Variants in HOXB7 observed in about 807,000 individuals in gnomAD.
HOXB7 encodes homeobox B7.
A neutral mutation model predicts 19.2 loss-of-function variants in HOXB7; 11 were observed. The ratio of observed to expected loss-of-function variants is 0.57; its 90% CI spans 0.36 to 0.95. HOXB7 has a LOEUF of 0.95. Ranked by LOEUF, HOXB7 falls within the 40% of genes least tolerant of loss-of-function variation. HOXB7 has a pLI of 0.01. For missense variants in HOXB7, 318 were observed against 301.1 expected (o/e 1.06, Z -0.42); for synonymous variants, 141 against 130.2 (o/e 1.08, Z -0.56).
At position 48,607,597 on chromosome 17, in the gene HOXB7, C is replaced by A; in HGVS notation, c.*245G>T. Reference sequence around the variant, plus strand: ...TTTCATATTGTACAAAAAAACCAAACCTGACAGACTTTCCTATAGGTAGTA... The same window carrying A: ...TTTCATATTGTACAAAAAAACCAAAACTGACAGACTTTCCTATAGGTAGTA... On this transcript the variant is annotated 3_prime_UTR_variant, in exon 2 of 2. Transcript: ENST00000239165. The A allele has an allele frequency of 2.1e-6, 1 of 468,508 alleles. No homozygotes were observed. 29.0% of individuals were successfully genotyped at this position (468,508 alleles called of 1,614,324 possible).
Position 48,607,788 on chromosome 17 carries a change from G to T in HOXB7, c.*54C>A, listed in dbSNP as rs1273217153. 1.4e-6 allele frequency: 2 copies of T among 1,389,832 alleles called. No individual in the cohort carries two copies. The highest frequency in any genetic ancestry group is 1.4e-5 in the African/African-American group (1 of 69,738). 86.1% of individuals were successfully genotyped at this position (1,389,832 alleles called of 1,614,324 possible). A position where few individuals can be genotyped will look rare whatever the true frequency, so the allele number is the denominator to read the frequency against. Reference sequence around the variant, plus strand: ...TTTCCTGATTCAGTTCCCAGAGCTGGGCTTCTCTTCCTCTCCCTTTCTCAT... The same window carrying T: ...TTTCCTGATTCAGTTCCCAGAGCTGTGCTTCTCTTCCTCTCCCTTTCTCAT... On this transcript the variant is annotated 3_prime_UTR_variant, in exon 2 of 2. Coordinates refer to ENST00000239165, the MANE Select transcript of HOXB7 (RefSeq NM_004502.4).
intron 1 of HOXB7, among the ~76,000 whole-genome samples, chr17:48,608,583 C>T (rs569396038): frequency 6.6e-6 from 1 of 152,336 alleles, no homozygotes; most frequent in East Asian, 1.9e-4. Context: ...ACTCCAGCTG[C>T]AAACTCCCCT....
At chr17:48,610,429 C>T in intron 1 of HOXB7, 90 bp downstream of exon 1, 1 of 1,303,642 alleles carries the variant, frequency 7.7e-7, no homozygotes. Context: ...ACTCTGGACG[C>T]GGAAAGGGGC....
rs1054753252 is a variant in HOXB7 at position 48,610,993 on chromosome 17, T to TA, written c.-76dup. On this transcript the variant is annotated 5_prime_UTR_variant, in exon 1 of 2. Transcript: ENST00000239165. ...GAGATTCCTTGATATATTACAGAAT[T>TA]AGAGTCCAGATTTACACCAAAAAGG... is the stretch of plus-strand genomic sequence containing the variant. The TA allele has an allele frequency of 5.5e-6, 7 of 1,283,118 alleles. No homozygotes were observed. The highest frequency in any genetic ancestry group is 4.6e-5 in the African/African-American group (3 of 65,080). 79.5% of individuals were successfully genotyped at this position (1,283,118 alleles called of 1,614,324 possible).
Position 48,610,520 on chromosome 17 carries a change from T to A in HOXB7, c.399A>T (p.Ser133=). ...GGACAGCTCGGTGCGCGGCGTTACC[T>A]GAGCTTCGCATCCAGGGGTAGATCC... ...NFRIYPWMRS[S]GTDRKRGRQT... The change falls in exon 1 of 2, where the codon TCA becomes TCT. Residue 133 remains serine (S), a splice_region_variant and synonymous_variant. Coordinates refer to ENST00000239165, the MANE Select transcript of HOXB7 (RefSeq NM_004502.4). The A allele has an allele frequency of 6.7e-7, 1 of 1,490,040 alleles. No homozygotes were observed. The allele number at this position is 1,490,040 out of a possible 1,614,324, so 92.3% of individuals were successfully genotyped here. A position where few individuals can be genotyped will look rare whatever the true frequency, so the allele number is the denominator to read the frequency against.
Position 48,607,904 on chromosome 17 carries a change from T to C in HOXB7, c.592A>G (p.Thr198Ala), listed in dbSNP as rs970592072. The change falls in exon 2 of 2, where the codon ACC becomes GCC. Residue 198 changes from threonine (T) to alanine (A), a missense_variant. Physicochemically the swap from Thr to Ala is moderately conservative, Grantham distance 58 (BLOSUM62 0). Coordinates refer to ENST00000239165, the MANE Select transcript of HOXB7 (RefSeq NM_004502.4). The part of the protein sequence containing the change: ...RRMKWKKENK[T>A]AGPGTTGQDR... ...TGGCCGGTGGTCCCCGGGCCCGCGGTCTTGTTCTCCTTTTTCCACTTCATG... is the reference window on the plus strand; with the variant it reads ...TGGCCGGTGGTCCCCGGGCCCGCGGCCTTGTTCTCCTTTTTCCACTTCATG... 1 of 1,613,792 alleles carries C rather than the reference T, an allele frequency of 6.2e-7. No individual in the cohort carries two copies. The highest frequency in any genetic ancestry group is 8.5e-7 in the Non-Finnish European group (1 of 1,179,958).
chr17:48,610,652 G>A lies in HOXB7; in HGVS notation c.267C>T (p.Cys89=). ...CGGAGAGGTTCTGCTCAAAGGGCGC[G>A]CAGTGCATGTTGAAGGAACTCGGCT... ...GLEPSSFNMH[C]APFEQNLSGV... Residue 89 remains cysteine (C), a synonymous_variant, in exon 1 of 2, where the codon TGC becomes TGT. Coordinates refer to ENST00000239165, the MANE Select transcript of HOXB7 (RefSeq NM_004502.4). The A allele has an allele frequency of 6.3e-7, 1 of 1,576,752 alleles. No homozygotes were observed. Among genetic ancestry groups the A allele is most frequent in the Non-Finnish European group, 8.6e-7 (1 of 1,161,190 alleles).
At position 48,610,544 on chromosome 17, in the gene HOXB7, C is replaced by CT; in HGVS notation, c.374_375insA (p.Ile126AspfsTer11). 1 of 1,523,444 alleles carries CT rather than the reference C, an allele frequency of 6.6e-7. No individual in the cohort carries two copies. The highest frequency in any genetic ancestry group is 8.8e-7 in the Non-Finnish European group (1 of 1,130,312). 94.4% of individuals were successfully genotyped at this position (1,523,444 alleles called of 1,614,324 possible). On this transcript the variant is annotated frameshift_variant, in exon 1 of 2. Coordinates refer to ENST00000239165, the MANE Select transcript of HOXB7 (RefSeq NM_004502.4). LOFTEE classifies it high-confidence loss of function. ...CTGAGCTTCGCATCCAGGGGTAGAT[C>CT]CGGAAGTTACTCTCGGCCGCCAAGT...
chr17:48,610,861 C>T lies in HOXB7; in HGVS notation c.58G>A (p.Val20Ile), dbSNP rs2070639520. The change falls in exon 1 of 2, where the codon GTT becomes ATT. Residue 20 changes from valine (V) to isoleucine (I), a missense_variant. Physicochemically the swap from Val to Ile is conservative, Grantham distance 29. Transcript: ENST00000239165. The stretch of plus-strand genomic sequence containing the variant: ...TCTGGGAAGGCTCCGGTAGCGAAAA[C>T]CGAACTTGAGGCTGGATATTTAGAA... ...LFSKYPASSS[V>I]FATGAFPEQT... is the part of the protein sequence containing the mutation. 6.5e-7 allele frequency: 1 copy of T among 1,540,282 alleles called. No homozygotes were observed. The highest frequency in any genetic ancestry group is 2.2e-5 in the Admixed American group (1 of 46,482).
intron 1 of HOXB7, 120 bp downstream of exon 1, chr17:48,610,399 G>A (rs1387884272): frequency 3.4e-5 from 36 of 1,056,770 alleles, no homozygotes; most frequent in Non-Finnish European, 4.5e-5. Context: ...GCCTTCCAGG[G>A]CCGACCTCCG....
In HOXB7 at chr17:48,607,723, G is replaced by GT. The variant is rs968710956; in HGVS notation, c.*118dup. On this transcript the variant is annotated 3_prime_UTR_variant, in exon 2 of 2. Transcript: ENST00000239165. ...ATAGGGTTTTTTTTTTGTTTTTTTTGTTTTTTGTTTTGTTTTTTTACTTCC... is the reference window on the plus strand; with the variant it reads ...ATAGGGTTTTTTTTTTGTTTTTTTTGTTTTTTTGTTTTGTTTTTTTACTTCC... 3.1e-5 allele frequency: 21 copies of GT among 681,686 alleles called. No homozygotes were observed. Among genetic ancestry groups the GT allele is most frequent in the Admixed American group, 2.7e-4 (7 of 25,896 alleles). The allele number at this position is 681,686 out of a possible 1,614,324, so 42.2% of individuals were successfully genotyped here.
intron 1 of HOXB7, among the ~76,000 whole-genome samples, chr17:48,610,122 G>C (rs966564188): frequency 6.6e-6 from 1 of 152,180 alleles, no homozygotes; most frequent in Non-Finnish European, 1.5e-5. Flanking sequence ...TAGCTGGGAA[G>C]GGGGGAGAAG....
chr17:48,608,941 T>C (rs2070616856), intron 1 of HOXB7, among the ~76,000 whole-genome samples: 1 of 152,178 alleles, frequency 6.6e-6, no homozygotes, highest in Non-Finnish European at 1.5e-5. Context: ...CCCCAACTCA[T>C]CCCCAGCATG....
intron 1 of HOXB7, among the ~76,000 whole-genome samples, chr17:48,610,149 C>G (rs908854683): frequency 3.3e-5 from 5 of 152,316 alleles, no homozygotes; most frequent in South Asian, 2.1e-4. Context: ...ACCCTAATGG[C>G]TATTCTCTGC....
Position 48,607,769 on chromosome 17 carries a change from G to T in HOXB7, c.*73C>A. ...CTTCCCTATTCGATTTGAGTTTCCT[G>T]ATTCAGTTCCCAGAGCTGGGCTTCT... is the stretch of plus-strand genomic sequence containing the variant. On this transcript the variant is annotated 3_prime_UTR_variant, in exon 2 of 2. Transcript: ENST00000239165. The T allele has an allele frequency of 1.8e-6, 2 of 1,141,950 alleles. No homozygotes were observed. Among genetic ancestry groups the T allele is most frequent in the Non-Finnish European group, 1.2e-6 (1 of 815,272 alleles). 70.7% of individuals were successfully genotyped at this position (1,141,950 alleles called of 1,614,324 possible). A position where few individuals can be genotyped will look rare whatever the true frequency, so the allele number is the denominator to read the frequency against.
intron 1 of HOXB7, among the ~76,000 whole-genome samples, 153 bp downstream of exon 1, chr17:48,610,366 T>A (rs1338472420): frequency 5.9e-5 from 9 of 152,176 alleles, no homozygotes; most frequent in African/African-American, 1.4e-4. Context: ...GATGGCCTGC[T>A]GGGTCGCGGC....
In HOXB7 at chr17:48,607,610, C is replaced by T. The variant is rs887420277; in HGVS notation, c.*232G>A. 9 of 501,682 alleles carry T rather than the reference C, an allele frequency of 1.8e-5. No individual in the cohort carries two copies. Among genetic ancestry groups the T allele is most frequent in the Admixed American group, 3.8e-5 (1 of 26,466 alleles). The allele number at this position is 501,682 out of a possible 1,614,324, so 31.1% of individuals were successfully genotyped here. ...AAAAAAACCAAACCTGACAGACTTT[C>T]CTATAGGTAGTATTTTTTCAGTGTT... is the stretch of plus-strand genomic sequence containing the variant. On this transcript the variant is annotated 3_prime_UTR_variant, in exon 2 of 2. Coordinates refer to ENST00000239165, the MANE Select transcript of HOXB7 (RefSeq NM_004502.4).
Position 48,608,864 on chromosome 17 carries a change from G to C in HOXB7, c.401-769C>G, listed in dbSNP as rs567632001. ...CATGCAAGTGACCCTGGAGTGGGGCGCCAGGCCTAGCTTAAGAACGTTTCC... is the reference window on the plus strand; with the variant it reads ...CATGCAAGTGACCCTGGAGTGGGGCCCCAGGCCTAGCTTAAGAACGTTTCC... On this transcript the variant is annotated intron_variant, in intron 1 of 1. Coordinates refer to ENST00000239165, the MANE Select transcript of HOXB7 (RefSeq NM_004502.4). Among the ~76,000 whole-genome samples, 6 of 152,320 alleles carry C rather than the reference G, an allele frequency of 3.9e-5. No individual in the cohort carries two copies. The East Asian group carries it at 1.2e-3, about 29-fold the overall frequency.
chr17:48,610,705 C>T lies in HOXB7; in HGVS notation c.214G>A (p.Gly72Ser). 1 of 1,580,696 alleles carries T rather than the reference C, an allele frequency of 6.3e-7. No homozygotes were observed. ...GGGMAGQSAA[G>S]VYAAGYGLEP... ...AGCCCATAGCCGGCCGCGTAGACGC[C>T]GGCCGCGCTCTGGCCCGCCATGCCC... Residue 72 changes from glycine (G) to serine (S), a missense_variant, in exon 1 of 2, where the codon GGC becomes AGC. By Grantham distance (56) the Gly-to-Ser change is moderately conservative (BLOSUM62 0). Coordinates refer to ENST00000239165, the MANE Select transcript of HOXB7 (RefSeq NM_004502.4).
Sources: gnomAD v4.1 joint callset for allele counts (sites outside exome capture counted in the v4.1 genomes callset) on GRCh38, gnomAD v4.1.1 for gene constraint, MANE v1.5 for transcripts, NCBI Gene and HGNC (gene_info 2026-07-23, HGNC 2026-07-21) for gene names.